The following FAM47E variants were observed in gnomAD, a reference collection of about 807,000 sequenced individuals.
FAM47E encodes family with sequence similarity 47 member E.
Under a neutral mutation model 41.6 loss-of-function variants are expected in FAM47E, and 32 were observed. That is an observed-to-expected ratio of 0.77 (90% CI 0.58 to 1.03). The LOEUF is 1.03. FAM47E is among the 50% of genes least tolerant of loss of function. The probability of loss-of-function intolerance (pLI) is 0.00; values close to 1 mark genes in which losing one functional copy is unlikely to be tolerated. For missense variants in FAM47E, 424 were observed against 485.4 expected, an observed-to-expected ratio of 0.87 and a Z score of 1.19; for synonymous variants, 184 against 188.7, an observed-to-expected ratio of 0.98 and a Z score of 0.20.
At chr4:76,225,095 A>G (rs553708504) in intron 2 of FAM47E, among the ~76,000 whole-genome samples, 1 of 152,284 alleles carries the variant, frequency 6.6e-6, no homozygotes, top group African/African-American at 2.4e-5. Flanking sequence ...AACTCCACCC[A>G]GGTTGCTGCA....
chr4:76,215,490 T>C (rs1274371521), intron 1 of FAM47E, among the ~76,000 whole-genome samples: 1 of 152,198 alleles, frequency 6.6e-6, no homozygotes, highest in African/African-American at 2.4e-5. Flanking sequence ...AGCATGATGG[T>C]TTAAAAATGG....
chr4:76,266,067 CTTG>C (rs893404083), intron 3 of FAM47E, among the ~76,000 whole-genome samples: 4 of 152,234 alleles, frequency 2.6e-5, no homozygotes, highest in African/African-American at 9.6e-5. Context: ...GATCACCATA[CTTG>C]TTGTATACAT....
intron 2 of FAM47E, among the ~76,000 whole-genome samples, chr4:76,245,223 A>C (rs561913390): frequency 6.6e-6 from 1 of 152,306 alleles, no homozygotes; most frequent in East Asian, 1.9e-4. Context: ...GAGTAAAACC[A>C]GGAAAACAGA....
intron 2 of FAM47E, among the ~76,000 whole-genome samples, chr4:76,220,208 C>A (rs1049892258): frequency 1.3e-5 from 2 of 152,138 alleles, no homozygotes; most frequent in African/African-American, 4.8e-5. Context: ...ACTTGTAAAC[C>A]AGTGTTCATA....
intron 5 of FAM47E, among the ~76,000 whole-genome samples, chr4:76,272,616 A>G (rs1027709213): frequency 6.6e-6 from 1 of 152,166 alleles, no homozygotes; most frequent in Non-Finnish European, 1.5e-5. Context: ...GCATTTCATC[A>G]TGAATATCAG....
chr4:76,250,411 G>GT (rs1379141631), upstream of FAM47E, among the ~76,000 whole-genome samples: 9 of 152,126 alleles, frequency 5.9e-5, no homozygotes, highest in East Asian at 1.7e-3. Flanking sequence ...GGGATTGCTT[G>GT]TTTTTTTCTT....
intron 2 of FAM47E, among the ~76,000 whole-genome samples, chr4:76,235,700 T>C (rs1211842556): frequency 6.6e-6 from 1 of 152,220 alleles, no homozygotes; most frequent in Non-Finnish European, 1.5e-5. Flanking sequence ...TAAGACCATA[T>C]GCTGCTGTTT....
At chr4:76,243,691 GCAGT>G (rs1316063476) in intron 2 of FAM47E, among the ~76,000 whole-genome samples, 1 of 151,938 alleles carries the variant, frequency 6.6e-6, no homozygotes, top group African/African-American at 2.4e-5. Context: ...CTCTCCATAG[GCAGT>G]CATTCTTTTT....
intron 3 of FAM47E, 96 bp from the exon 4 acceptor site, chr4:76,268,564 C>A: frequency 7.8e-7 from 1 of 1,281,694 alleles, no homozygotes; most frequent in Non-Finnish European, 1.1e-6. Context: ...GTTAGAAATA[C>A]TTGCTTTATG....
At chr4:76,274,830 G>C (rs1235561606) in intron 5 of FAM47E, among the ~76,000 whole-genome samples, 1 of 152,086 alleles carries the variant, frequency 6.6e-6, no homozygotes, top group Non-Finnish European at 1.5e-5. Context: ...ATCTCCTGGA[G>C]TTCTCTCTCT....
chr4:76,269,779 T>C (rs1876541), intron 4 of FAM47E, among the ~76,000 whole-genome samples: 53,581 of 142,218 alleles, frequency 0.38, 10,126 homozygotes, highest in Admixed American at 0.45. Context: ...CAAAGCAAGA[T>C]CCTGTCTCAA....
At position 76,263,836 on chromosome 4, in the gene FAM47E, C is replaced by A; in HGVS notation, c.553C>A (p.Leu185Met). 6.4e-7 allele frequency: 1 copy of A among 1,551,256 alleles called. No individual in the cohort carries two copies. The highest frequency in any genetic ancestry group is 8.7e-7 in the Non-Finnish European group (1 of 1,146,668). ...LLKKHSTQVY[L>M]GPSKKTSVSN... ...AAAAAAACATTCTACCCAAGTCTAC[C>A]TGGGACCGTGAGTATTGTTCTTAAC... is the stretch of plus-strand genomic sequence containing the variant. Residue 185 changes from leucine to methionine, a missense_variant, in exon 3 of 8, where the codon CTG becomes ATG. Physicochemically the swap from Leu to Met is conservative, Grantham distance 15 (BLOSUM62 2). Coordinates refer to ENST00000424749, the MANE Select transcript of FAM47E (RefSeq NM_001136570.3).
At chr4:76,245,073 A>G (rs1733796068) in intron 2 of FAM47E, among the ~76,000 whole-genome samples, 2 of 152,202 alleles carry the variant, frequency 1.3e-5, no homozygotes, top group Admixed American at 1.3e-4. Flanking sequence ...AGAAATGGAC[A>G]TGCACATTGC....
chr4:76,220,939 C>G (rs1733295568), intron 2 of FAM47E, among the ~76,000 whole-genome samples: 1 of 152,180 alleles, frequency 6.6e-6, no homozygotes, highest in South Asian at 2.1e-4. Flanking sequence ...TACACACACT[C>G]AGCTTCCCCT....
At chr4:76,263,606 G>A in intron 2 of FAM47E, 98 bp from the exon 3 acceptor site, 1 of 1,445,780 alleles carries the variant, frequency 6.9e-7, no homozygotes, top group Non-Finnish European at 9.2e-7. Flanking sequence ...GGACTGAAAA[G>A]GAAAAGTGAA....
intron 2 of FAM47E, among the ~76,000 whole-genome samples, chr4:76,222,255 C>T (rs1192092468): frequency 1.3e-5 from 2 of 149,910 alleles, no homozygotes; most frequent in African/African-American, 4.9e-5. Context: ...GAGACCGAGT[C>T]TCACTCTGTT....
intron 5 of FAM47E, among the ~76,000 whole-genome samples, chr4:76,272,911 A>G (rs1357898085): frequency 1.3e-5 from 2 of 152,320 alleles, no homozygotes; most frequent in East Asian, 3.9e-4. Context: ...TCTTCTGACT[A>G]GAAGACCTCT....
chr4:76,227,151 T>C (rs758733160), intron 2 of FAM47E, among the ~76,000 whole-genome samples: 1 of 152,224 alleles, frequency 6.6e-6, no homozygotes, highest in Non-Finnish European at 1.5e-5. Flanking sequence ...GACTTTTTGA[T>C]GTAGTCAAAA....
At chr4:76,227,328 G>A (rs1733415697) in intron 2 of FAM47E, among the ~76,000 whole-genome samples, 1 of 152,112 alleles carries the variant, frequency 6.6e-6, no homozygotes, top group Non-Finnish European at 1.5e-5. Flanking sequence ...ATTATTTAAT[G>A]TCCATTATTT....
Sources: allele counts gnomAD v4.1 joint callset (sites outside exome capture counted in the v4.1 genomes callset), GRCh38; gene constraint gnomAD v4.1.1; transcripts MANE v1.5; gene names NCBI Gene and HGNC (gene_info 2026-07-23, HGNC 2026-07-21).